Variants in TDRD9 observed in about 807,000 individuals in gnomAD.
TDRD9 encodes the protein ATP-dependent RNA helicase TDRD9.
TDRD9 carries 124 observed loss-of-function variants against 172.6 expected under a neutral mutation model. The ratio of observed to expected loss-of-function variants is 0.72; its 90% CI spans 0.62 to 0.83. The LOEUF (loss-of-function observed/expected upper bound fraction) is 0.83. Ranked by LOEUF, TDRD9 falls within the 40% of genes least tolerant of loss-of-function variation. The pLI, the probability that TDRD9 is intolerant of heterozygous loss-of-function variation, is 0.00. For synonymous variants in TDRD9, 619 were observed against 617.1 expected (o/e 1.00, Z -0.05); for missense variants, 1,479 against 1,714.1 (o/e 0.86, Z 2.42).
At chr14:104,007,372 C>T (rs2034475312) in intron 19 of TDRD9, among the ~76,000 whole-genome samples, 168 bp downstream of exon 19, 1 of 152,172 alleles carries the variant, frequency 6.6e-6, no homozygotes, top group African/African-American at 2.4e-5. Flanking sequence ...GCCATAATCT[C>T]CGCAGACTGG....
chr14:104,034,919 G>C (rs1212877570), intron 31 of TDRD9, 41 bp from the exon 32 acceptor site: 1 of 1,487,324 alleles, frequency 6.7e-7, no homozygotes, highest in East Asian at 2.5e-5. Flanking sequence ...CCTGAGCAGC[G>C]TGAGTTAATG....
At chr14:103,947,782 A>T (rs1488120296) in intron 1 of TDRD9, among the ~76,000 whole-genome samples, 3 of 152,208 alleles carry the variant, frequency 2.0e-5, no homozygotes, top group African/African-American at 7.2e-5. Context: ...TTAGGGGAAA[A>T]CTGAGGGCAC....
intron 1 of TDRD9, chr14:103,941,985 A>G: frequency 2.9e-6 from 1 of 343,398 alleles, no homozygotes. Context: ...TAACACTAAC[A>G]CTTGCTGTGA....
chr14:103,947,796 C>A (rs1349806542), intron 1 of TDRD9, among the ~76,000 whole-genome samples: 4 of 152,194 alleles, frequency 2.6e-5, no homozygotes, highest in Non-Finnish European at 5.9e-5. Context: ...AGGGCACAAA[C>A]TTCACATCGT....
At chr14:104,034,491 A>G (rs1047247851) in intron 31 of TDRD9, among the ~76,000 whole-genome samples, 1 of 152,152 alleles carries the variant, frequency 6.6e-6, no homozygotes, top group Admixed American at 6.5e-5. Flanking sequence ...CGCCCAGCTT[A>G]CGTGCTGTTC....
rs1037971916 is a variant in TDRD9, at chr14:103,980,874, G to A, written c.1011+5321G>A. Among the ~76,000 whole-genome samples the A allele has an allele frequency of 1.6e-4, 24 of 152,182 alleles. No individual in the cohort carries two copies. Among genetic ancestry groups the A allele is most frequent in the African/African-American group, 5.1e-4 (21 of 41,526 alleles). The stretch of plus-strand genomic sequence containing the variant: ...CAGAAGGCTCGCACTCTTGTCTTCT[G>A]GTCACTTCTCACTATGTCCCCTCAG... On this transcript the variant is annotated intron_variant, in intron 7 of 35. Coordinates refer to ENST00000409874, the MANE Select transcript of TDRD9 (RefSeq NM_153046.3). This position sits in a 1 kb window ranked among gnomAD's most constrained non-coding sequence, Gnocchi z 4.5.
intron 35 of TDRD9, among the ~76,000 whole-genome samples, chr14:104,051,002 G>A (rs2033494257): frequency 6.6e-6 from 1 of 152,170 alleles, no homozygotes; most frequent in African/African-American, 2.4e-5. Flanking sequence ...AGGGGTACAT[G>A]TGCAGCTTTT....
At chr14:104,049,488 C>G (rs2035879861) in intron 34 of TDRD9, 120 bp from the exon 35 acceptor site, 1 of 730,202 alleles carries the variant, frequency 1.4e-6, no homozygotes, top group Admixed American at 3.0e-5. Flanking sequence ...GACCTTTAAA[C>G]AGTTTATTCT....
rs1439040167 is a variant in TDRD9 at position 103,956,045 on chromosome 14, G to T, written c.322+275G>T. ...GGGTCACTTGAGGCTAGGAGTTCAG[G>T]TTCATCCTGGGCAACATACGGAGAC... On this transcript the variant is annotated intron_variant, in intron 2 of 35. Transcript: ENST00000409874. 2.4e-5 allele frequency among the ~76,000 whole-genome samples: 3 copies of T among 123,382 alleles called. No individual in the cohort carries two copies. In the East Asian group the frequency reaches 7.8e-4, roughly 32 times the overall value. 80.9% of individuals were successfully genotyped at this position (123,382 alleles called of 152,430 possible).
rs202014262 is a variant in TDRD9, at chr14:104,005,383, G to A, written c.1691G>A (p.Arg564His). Residue 564 changes from arginine to histidine, a missense_variant, in exon 15 of 36, where the codon CGC becomes CAC. Physicochemically the swap from Arg to His is conservative, Grantham distance 29 (BLOSUM62 0). This residue lies in a region of TDRD9 where 1,413 missense variants were observed against 1,649.1 expected (regional missense o/e 0.86). Coordinates refer to ENST00000409874, the MANE Select transcript of TDRD9 (RefSeq NM_153046.3). ...CCGCCTGGTCTGAGTGACATTGAGC[G>A]CACCATCCTTCTACTAAAGGAGGTA... ...LSPPGLSDIE[R>H]TILLLKEVGA... 1.3e-4 allele frequency: 203 copies of A among 1,613,884 alleles called. No individual in the cohort carries two copies. Among genetic ancestry groups the A allele is most frequent in the South Asian group, 4.6e-4 (42 of 91,070 alleles).
chr14:103,971,988 C>T (rs1160042714), intron 6 of TDRD9, among the ~76,000 whole-genome samples: 1 of 151,768 alleles, frequency 6.6e-6, no homozygotes, highest in Non-Finnish European at 1.5e-5. Context: ...GAAACCCCAT[C>T]TCTACAAAAA....
intron 28 of TDRD9, among the ~76,000 whole-genome samples, chr14:104,030,854 G>T (rs568520673): frequency 6.6e-6 from 1 of 152,142 alleles, no homozygotes; most frequent in African/African-American, 2.4e-5. Context: ...GGGAGGGATA[G>T]CATCAGGAGA....
chr14:103,950,390 G>A (rs980671973), intron 1 of TDRD9, among the ~76,000 whole-genome samples: 36 of 152,032 alleles, frequency 2.4e-4, no homozygotes, highest in African/African-American at 7.2e-4. Flanking sequence ...GCATACGGCC[G>A]GTTTCTATTT....
intron 24 of TDRD9, among the ~76,000 whole-genome samples, chr14:104,024,085 AG>A (rs986310004): frequency 1.3e-5 from 2 of 152,170 alleles, no homozygotes; most frequent in African/African-American, 4.8e-5. Context: ...ATTGCCTTTA[AG>A]GGAAAATGAT....
At chr14:103,955,635 A>G in intron 1 of TDRD9, 29 bp from the exon 2 acceptor site, 1 of 1,522,442 alleles carries the variant, frequency 6.6e-7, no homozygotes, top group Non-Finnish European at 8.9e-7. Flanking sequence ...TTTTGGAAAT[A>G]GTATACTAAC....
rs61997594 is a variant in TDRD9 at position 104,034,036 on chromosome 14, C to A, written c.3586C>A (p.Leu1196Met). ...DAPEDLHQRM[L>M]VAASLSINAT... ...CCCTGAAGACCTTCACCAGAGAATG[C>A]TGGTTGCAGCTTCCCTTTCCATCAA... Residue 1196 changes from leucine (L) to methionine (M), a missense_variant, in exon 31 of 36, where the codon CTG (leucine) becomes ATG (methionine). Coordinates refer to ENST00000409874, the MANE Select transcript of TDRD9 (RefSeq NM_153046.3). 4 of 1,550,798 alleles carry A rather than the reference C, an allele frequency of 2.6e-6. No individual in the cohort carries two copies. In the African/African-American group the frequency reaches 5.5e-5, roughly 21 times the overall value.
intron 1 of TDRD9, among the ~76,000 whole-genome samples, chr14:103,950,324 A>C (rs535233299): frequency 4.6e-5 from 7 of 152,068 alleles, no homozygotes; most frequent in African/African-American, 1.7e-4. Flanking sequence ...TCCCGACCTC[A>C]GGTGATCCAA....
intron 19 of TDRD9, among the ~76,000 whole-genome samples, chr14:104,007,955 T>G (rs1303971040): frequency 6.6e-6 from 1 of 152,036 alleles, no homozygotes; most frequent in Non-Finnish European, 1.5e-5. Flanking sequence ...TTTTTTTGTA[T>G]TTTTTAGTAG....
intron 23 of TDRD9, among the ~76,000 whole-genome samples, chr14:104,021,569 T>G (rs910470232): frequency 2.0e-5 from 3 of 152,160 alleles, no homozygotes; most frequent in Non-Finnish European, 4.4e-5. Flanking sequence ...GGCACACGCC[T>G]GCAGTCCCAG....
Sources: gnomAD v4.1 joint callset for allele counts (sites outside exome capture counted in the v4.1 genomes callset) on GRCh38, gnomAD v4.1.1 for gene constraint, gnomAD v4.1.1 regional missense constraint, Gnocchi (gnomAD v3.1) non-coding constraint, MANE v1.5 for transcripts, NCBI Gene and HGNC (gene_info 2026-07-23, HGNC 2026-07-21) for gene names.